Variants in MAP4K3 observed in about 807,000 individuals in gnomAD.
MAP4K3 encodes the protein MAPK/ERK kinase kinase kinase 3.
Under a neutral mutation model 143.5 loss-of-function variants are expected in MAP4K3, and 94 were observed. The observed-to-expected ratio is 0.65, with a 90% confidence interval of 0.55 to 0.78. The LOEUF (loss-of-function observed/expected upper bound fraction) is 0.78, where lower values mean the gene tolerates loss of function less well. Ranked by LOEUF, MAP4K3 falls within the 30% of genes least tolerant of loss-of-function variation. The probability of loss-of-function intolerance (pLI) is 0.00; values close to 1 mark genes in which losing one functional copy is unlikely to be tolerated. For missense variants in MAP4K3, 1,077 were observed against 1,068.1 expected, an observed-to-expected ratio of 1.01 and a Z score of -0.12; for synonymous variants, 416 against 347.2, an observed-to-expected ratio of 1.20 and a Z score of -2.20.
At chr2:39,286,142 G>A (rs776685503) in intron 21 of MAP4K3, among the ~76,000 whole-genome samples, 1 of 152,202 alleles carries the variant, frequency 6.6e-6, no homozygotes, top group Non-Finnish European at 1.5e-5. Context: ...GGGGTTGAAG[G>A]GGAGGGATGT....
At chr2:39,356,059 T>G (rs1665602576) in intron 3 of MAP4K3, 190 bp downstream of exon 3, 1 of 474,910 alleles carries the variant, frequency 2.1e-6, no homozygotes, top group Non-Finnish European at 3.7e-6. Context: ...AATTCCCAAG[T>G]CATACGACTG....
At chr2:39,413,446 G>T (rs1366181617) in intron 1 of MAP4K3, among the ~76,000 whole-genome samples, 1 of 152,088 alleles carries the variant, frequency 6.6e-6, no homozygotes, top group African/African-American at 2.4e-5. Flanking sequence ...GACAGACTGG[G>T]TACAGTCAGT....
At chr2:39,361,377 C>T (rs1299055221) in intron 2 of MAP4K3, among the ~76,000 whole-genome samples, 1 of 151,598 alleles carries the variant, frequency 6.6e-6, no homozygotes, top group Non-Finnish European at 1.5e-5. Flanking sequence ...TTCCCTAGCA[C>T]ATTAGACTCT....
rs1680077465 is a variant in MAP4K3, at chr2:39,249,726, A to C, written c.*892T>G. ...GTGTGATCATATGAAATGTTTAGTG[A>C]GGACTCTTTAATAATGCTAATTAAT... On this transcript the variant is annotated 3_prime_UTR_variant, in exon 34 of 34. Coordinates refer to ENST00000263881, the MANE Select transcript of MAP4K3 (RefSeq NM_003618.4). The C allele has an allele frequency of 6.6e-6, 1 of 152,594 alleles. No homozygotes were observed. Among genetic ancestry groups the C allele is most frequent in the Non-Finnish European group, 1.5e-5 (1 of 68,004 alleles). 9.5% of individuals were successfully genotyped at this position (152,594 alleles called of 1,614,324 possible).
At position 39,267,364 on chromosome 2, in the gene MAP4K3, C is replaced by G. The variant is rs184743351; in HGVS notation, c.1974-117G>C. On this transcript the variant is annotated intron_variant, in intron 26 of 33. Transcript: ENST00000263881. Reference sequence around the variant, plus strand: ...TTCAAAACTGGTGCTGACATACTAGCTCATCTATTAAAATTAGAATAAAAA... The same window carrying G: ...TTCAAAACTGGTGCTGACATACTAGGTCATCTATTAAAATTAGAATAAAAA... 599 of 751,688 alleles carry G rather than the reference C, an allele frequency of 8.0e-4. 7 individuals are homozygous for G. In the African/African-American group the frequency reaches 8.7e-3, roughly 11 times the overall value. 46.6% of individuals were successfully genotyped at this position (751,688 alleles called of 1,614,324 possible).
intron 16 of MAP4K3, 132 bp from the exon 17 acceptor site, chr2:39,293,400 G>C (rs1334046480): frequency 1.6e-6 from 1 of 620,546 alleles, no homozygotes; most frequent in Non-Finnish European, 2.8e-6. Context: ...CTGAAAATTT[G>C]CTAGTGATCA....
At chr2:39,427,822 T>C (rs1440096753) in intron 1 of MAP4K3, among the ~76,000 whole-genome samples, 29 of 152,230 alleles carry the variant, frequency 1.9e-4, no homozygotes, top group Admixed American at 1.8e-3. Flanking sequence ...AGTTCTAAAT[T>C]CTTCAACTGG....
chr2:39,309,646 C>G (rs1682874619), intron 13 of MAP4K3, 127 bp from the exon 14 acceptor site: 2 of 551,502 alleles, frequency 3.6e-6, no homozygotes, highest in Non-Finnish European at 6.2e-6. Flanking sequence ...CAATCTCCAC[C>G]CCCTGGGTTC....
At chr2:39,360,400 C>A (rs763985847) in intron 2 of MAP4K3, among the ~76,000 whole-genome samples, 32 of 152,220 alleles carry the variant, frequency 2.1e-4, no homozygotes, top group African/African-American at 7.7e-4. Flanking sequence ...TTTCTGTCTT[C>A]TGAGCCCTAC....
chr2:39,300,658 T>G (rs1454081867), intron 15 of MAP4K3, among the ~76,000 whole-genome samples: 1 of 152,236 alleles, frequency 6.6e-6, no homozygotes, highest in Non-Finnish European at 1.5e-5. Flanking sequence ...TATAGCATAT[T>G]TAAAGTGCTT....
intron 1 of MAP4K3, among the ~76,000 whole-genome samples, chr2:39,436,143 C>T (rs1369830224): frequency 6.6e-6 from 1 of 152,164 alleles, no homozygotes; most frequent in African/African-American, 2.4e-5. Context: ...AGTGATTTAT[C>T]TTCCCACATT....
At chr2:39,350,761 G>C (rs1558660569) in intron 3 of MAP4K3, among the ~76,000 whole-genome samples, 1 of 152,102 alleles carries the variant, frequency 6.6e-6, no homozygotes, top group African/African-American at 2.4e-5. Flanking sequence ...TACTAACTCT[G>C]TTAAAATCTT....
chr2:39,364,388 G>T (rs1237620489), intron 2 of MAP4K3, among the ~76,000 whole-genome samples: 1 of 152,132 alleles, frequency 6.6e-6, no homozygotes, highest in African/African-American at 2.4e-5. Flanking sequence ...AAGAGAATAG[G>T]TATCATGTGA....
At chr2:39,298,601 A>T (rs1314423663) in intron 16 of MAP4K3, among the ~76,000 whole-genome samples, 1 of 152,152 alleles carries the variant, frequency 6.6e-6, no homozygotes, top group African/African-American at 2.4e-5. Flanking sequence ...TTTAGTTACT[A>T]TTTCTCAACT....
chr2:39,353,597 A>AC (rs1665519661), intron 3 of MAP4K3, among the ~76,000 whole-genome samples: 1 of 152,208 alleles, frequency 6.6e-6, no homozygotes, highest in Non-Finnish European at 1.5e-5. Context: ...TAAAAAACTT[A>AC]GATGTTAAAT....
chr2:39,410,749 C>T (rs1355957153), intron 1 of MAP4K3, among the ~76,000 whole-genome samples: 1 of 152,112 alleles, frequency 6.6e-6, no homozygotes, highest in African/African-American at 2.4e-5. Flanking sequence ...GCTTTTCTAG[C>T]TCTTCAAAAA....
intron 9 of MAP4K3, 87 bp downstream of exon 9, chr2:39,326,059 C>G (rs528893988): frequency 1.3e-6 from 2 of 1,538,480 alleles, no homozygotes; most frequent in Non-Finnish European, 1.8e-6. Flanking sequence ...TAAGGTAAAA[C>G]AAGACTAAGA....
intron 21 of MAP4K3, among the ~76,000 whole-genome samples, chr2:39,283,231 C>G (rs114855242): frequency 1.6e-4 from 24 of 152,230 alleles, no homozygotes; most frequent in African/African-American, 5.8e-4. Context: ...GACTGTCAAA[C>G]TGCTTTTCAG....
At chr2:39,411,056 T>C (rs1481893672) in intron 1 of MAP4K3, among the ~76,000 whole-genome samples, 1 of 152,194 alleles carries the variant, frequency 6.6e-6, no homozygotes, top group Non-Finnish European at 1.5e-5. Context: ...TCTTTTTAAA[T>C]ACAGGACAGT....
Sources: allele counts gnomAD v4.1 joint callset (sites outside exome capture counted in the v4.1 genomes callset), GRCh38; gene constraint gnomAD v4.1.1; transcripts MANE v1.5; gene names NCBI Gene and HGNC (gene_info 2026-07-23, HGNC 2026-07-21).